ANK3: variants seen among roughly 807,000 people sequenced by gnomAD.
ANK3 encodes ankyrin 3.
A neutral mutation model predicts 370.9 loss-of-function variants in ANK3; 57 were observed. The ratio of observed to expected loss-of-function variants is 0.15; its 90% confidence interval spans 0.12 to 0.19. The LOEUF is 0.19. Ranked by LOEUF, ANK3 falls within the 10% of genes least tolerant of loss-of-function variation. ANK3 has a pLI of 1.00. For synonymous variants in ANK3, 1,929 were observed against 1,946.3 expected (o/e 0.99, Z 0.23); for missense variants, 4,439 against 5,302.1 (o/e 0.84, Z 5.06).
intron 16 of ANK3, among the ~76,000 whole-genome samples, chr10:60,189,173 A>G (rs1257977499): frequency 2.0e-5 from 3 of 152,168 alleles, no homozygotes; most frequent in African/African-American, 7.2e-5. Context: ...AAAGAATCCT[A>G]TGTCCTAAAA....
chr10:60,654,607 T>C (rs753985973), intron 1 of ANK3, among the ~76,000 whole-genome samples: 5 of 152,218 alleles, frequency 3.3e-5, no homozygotes, highest in South Asian at 2.1e-4. Flanking sequence ...GATTTCTGAA[T>C]GTTAAACTTG....
chr10:60,296,043 C>T (rs2042425496), intron 1 of ANK3, among the ~76,000 whole-genome samples: 1 of 152,132 alleles, frequency 6.6e-6, no homozygotes, highest in Admixed American at 6.5e-5. Flanking sequence ...CCGAAGAGAA[C>T]ATTTAAGCAA....
chr10:60,511,364 T>C lies in ANK3; in HGVS notation c.96+103822A>G, dbSNP rs2076075660. Among the ~76,000 whole-genome samples the C allele has an allele frequency of 2.6e-5, 4 of 152,144 alleles. 1 individual carries two copies. In the South Asian group the frequency reaches 8.3e-4, roughly 31 times the overall value. On this transcript the variant is annotated intron_variant, in intron 2 of 43. Transcript: ENST00000373827. The stretch of plus-strand genomic sequence containing the variant: ...AATATGACAAGAAAATGAATGCGAC[T>C]ACAAAACTGAAAAGGCAGCTCCAAA...
At chr10:60,572,123 C>T (rs919500973) in intron 2 of ANK3, among the ~76,000 whole-genome samples, 2 of 152,110 alleles carry the variant, frequency 1.3e-5, no homozygotes, top group African/African-American at 2.4e-5. Context: ...TGTTGATTAA[C>T]GAGCATTCTG....
chr10:60,342,177 G>A (rs1328587818), intron 1 of ANK3, among the ~76,000 whole-genome samples: 1 of 152,060 alleles, frequency 6.6e-6, no homozygotes, highest in East Asian at 1.9e-4. Context: ...ATTTTATCTT[G>A]AGAAGCATGA....
chr10:60,141,762 A>C (rs189544584), intron 23 of ANK3, among the ~76,000 whole-genome samples: 1 of 152,054 alleles, frequency 6.6e-6, no homozygotes, highest in Admixed American at 6.5e-5. Flanking sequence ...AAGTAGGGGG[A>C]AAAATCTGTT....
At chr10:60,678,677 T>C (rs1212231890) in intron 1 of ANK3, among the ~76,000 whole-genome samples, 1 of 152,194 alleles carries the variant, frequency 6.6e-6, no homozygotes. Flanking sequence ...TAGTCAACAT[T>C]TATATGTTAT....
chr10:60,655,719 T>A (rs2133366909), intron 1 of ANK3, among the ~76,000 whole-genome samples: 1 of 152,256 alleles, frequency 6.6e-6, no homozygotes, highest in East Asian at 1.9e-4. Context: ...TACAGAAATG[T>A]CCTAGGCCTT....
chr10:60,563,732 T>C (rs140794962), intron 2 of ANK3, among the ~76,000 whole-genome samples: 34 of 152,288 alleles, frequency 2.2e-4, no homozygotes, highest in African/African-American at 7.5e-4. Flanking sequence ...AGATTTTCAG[T>C]ACCTCAGTCT....
chr10:60,563,420 T>G (rs1354310697), intron 2 of ANK3, among the ~76,000 whole-genome samples: 1 of 152,184 alleles, frequency 6.6e-6, no homozygotes, highest in Admixed American at 6.5e-5. Flanking sequence ...TGATCTGAAA[T>G]CCTTGCAGCC....
At chr10:60,568,357 C>T (rs865970849) in intron 2 of ANK3, among the ~76,000 whole-genome samples, 2 of 152,156 alleles carry the variant, frequency 1.3e-5, no homozygotes, top group African/African-American at 2.4e-5. Context: ...GATTAAGACT[C>T]GCAGAAAGTT....
intron 1 of ANK3, among the ~76,000 whole-genome samples, chr10:60,297,660 A>G (rs2042826315): frequency 6.6e-6 from 1 of 152,172 alleles, no homozygotes; most frequent in Non-Finnish European, 1.5e-5. Context: ...CTTCGAAAAG[A>G]TATCTCATTA....
intron 12 of ANK3, among the ~76,000 whole-genome samples, chr10:60,201,447 G>A (rs1164443761): frequency 6.6e-6 from 1 of 152,134 alleles, no homozygotes; most frequent in Non-Finnish European, 1.5e-5. Flanking sequence ...GTGTTATTAT[G>A]TCTATGGTCT....
chr10:60,436,787 C>T (rs533928425), intron 2 of ANK3, among the ~76,000 whole-genome samples: 5 of 152,356 alleles, frequency 3.3e-5, no homozygotes, highest in African/African-American at 4.8e-5. Flanking sequence ...TCCCTTGAAG[C>T]ACAAAAGCTT....
chr10:60,345,150 C>T (rs2055156156), intron 1 of ANK3, among the ~76,000 whole-genome samples: 1 of 152,162 alleles, frequency 6.6e-6, no homozygotes, highest in Non-Finnish European at 1.5e-5. Flanking sequence ...GAGCATTAAA[C>T]TAGATTCATG....
chr10:60,600,749 TAG>T (rs1555395859), intron 2 of ANK3, among the ~76,000 whole-genome samples: 1 of 152,146 alleles, frequency 6.6e-6, no homozygotes, highest in Admixed American at 6.6e-5. Context: ...AACATTTGAT[TAG>T]ATATTAGATA....
At chr10:60,422,806 T>C (rs1484476161) in intron 2 of ANK3, among the ~76,000 whole-genome samples, 3 of 152,120 alleles carry the variant, frequency 2.0e-5, no homozygotes, top group Admixed American at 1.3e-4. Flanking sequence ...AAAATAATCA[T>C]ACTAATGAAA....
intron 28 of ANK3, among the ~76,000 whole-genome samples, chr10:60,096,109 A>G (rs1589922205): frequency 6.6e-6 from 1 of 152,024 alleles, no homozygotes; most frequent in South Asian, 2.1e-4. Flanking sequence ...GGAGGTGGAG[A>G]TTGCAGTGAG....
At chr10:60,590,249 T>C (rs1474233141) in intron 2 of ANK3, among the ~76,000 whole-genome samples, 1 of 152,184 alleles carries the variant, frequency 6.6e-6, no homozygotes, top group Admixed American at 6.5e-5. Context: ...TGAATAGGGA[T>C]GTACTGTAAA....
Sources: allele counts gnomAD v4.1 joint callset (sites outside exome capture counted in the v4.1 genomes callset), GRCh38; gene constraint gnomAD v4.1.1; transcripts MANE v1.5; gene names NCBI Gene and HGNC (gene_info 2026-07-23, HGNC 2026-07-21).